Variants in DCDC1 observed in about 807,000 individuals in gnomAD.
DCDC1 encodes doublecortin domain containing 1.
A neutral mutation model predicts 178.3 loss-of-function variants in DCDC1; 200 were observed. That is an observed-to-expected ratio of 1.12 (90% CI 1.00 to 1.26). DCDC1 has a LOEUF of 1.26. Ranked by LOEUF, DCDC1 falls within the 50% of genes most tolerant of loss-of-function variation. The pLI, the probability that DCDC1 is intolerant of heterozygous loss-of-function variation, is 0.00. For synonymous variants in DCDC1, 690 were observed against 604.8 expected, an observed-to-expected ratio of 1.14 and a Z score of -2.07; for missense variants, 1,983 against 1,749.2, an observed-to-expected ratio of 1.13 and a Z score of -2.38.
At chr11:31,343,868 C>T (rs545785383) in intron 1 of DCDC1, among the ~76,000 whole-genome samples, 8 of 151,844 alleles carry the variant, frequency 5.3e-5, no homozygotes, top group Admixed American at 4.6e-4. Context: ...TGCAGTGAGC[C>T]GAGATCATGG....
intron 17 of DCDC1, among the ~76,000 whole-genome samples, chr11:31,081,273 T>C (rs1277523401): frequency 6.6e-6 from 1 of 152,188 alleles, no homozygotes; most frequent in Non-Finnish European, 1.5e-5. Flanking sequence ...AAAGATCTTT[T>C]TGATAGATGG....
At chr11:31,004,223 C>A in intron 20 of DCDC1, among the ~76,000 whole-genome samples, 1 of 151,918 alleles carries the variant, frequency 6.6e-6, no homozygotes, top group East Asian at 1.9e-4. Flanking sequence ...CAAAATTTGC[C>A]AAAAGTATTT....
At chr11:31,134,865 A>G (rs1451024738) in intron 10 of DCDC1, among the ~76,000 whole-genome samples, 1 of 152,146 alleles carries the variant, frequency 6.6e-6, no homozygotes, top group Non-Finnish European at 1.5e-5. Context: ...ACATGGTGGT[A>G]TATGCCTAAA....
At chr11:30,915,839 T>C in intron 26 of DCDC1, 128 bp from the exon 27 acceptor site, 3 of 864,812 alleles carry the variant, frequency 3.5e-6, no homozygotes, top group East Asian at 2.7e-5. Context: ...CTTGAAATGA[T>C]AGACCATATC....
chr11:31,015,213 G>T (rs1952420242), intron 20 of DCDC1, among the ~76,000 whole-genome samples: 1 of 152,096 alleles, frequency 6.6e-6, no homozygotes, highest in African/African-American at 2.4e-5. Flanking sequence ...CTCCCAAAGT[G>T]CTGGGATTAC....
intron 9 of DCDC1, among the ~76,000 whole-genome samples, chr11:31,139,658 C>T (rs1242357581): frequency 1.2e-4 from 19 of 152,032 alleles, no homozygotes; most frequent in Admixed American, 1.2e-3. Flanking sequence ...CAGGTGAGGC[C>T]GATGCTAACG....
At chr11:31,187,609 A>AT (rs1969657897) in intron 9 of DCDC1, among the ~76,000 whole-genome samples, 2 of 152,358 alleles carry the variant, frequency 1.3e-5, no homozygotes, top group South Asian at 4.1e-4. Flanking sequence ...GAAATCAAAT[A>AT]AACTATCTGG....
intron 8 of DCDC1, among the ~76,000 whole-genome samples, chr11:31,254,746 G>A (rs1335119975): frequency 7.2e-5 from 11 of 152,260 alleles, no homozygotes; most frequent in Admixed American, 2.0e-4. Flanking sequence ...AACAAGTGGG[G>A]CAAATTGGTT....
chr11:31,132,445 A>T (rs968441297), intron 10 of DCDC1, among the ~76,000 whole-genome samples: 3 of 152,172 alleles, frequency 2.0e-5, no homozygotes, highest in Non-Finnish European at 4.4e-5. Context: ...TTTTTTTCCC[A>T]ATCACAGATA....
intron 1 of DCDC1, among the ~76,000 whole-genome samples, chr11:31,350,690 T>C (rs1295949333): frequency 6.6e-6 from 1 of 152,174 alleles, no homozygotes; most frequent in Non-Finnish European, 1.5e-5. Context: ...TGTACTTAAA[T>C]GCTGCATTGC....
At chr11:31,153,009 A>C (rs1301913551) in intron 9 of DCDC1, among the ~76,000 whole-genome samples, 1 of 152,202 alleles carries the variant, frequency 6.6e-6, no homozygotes, top group Non-Finnish European at 1.5e-5. Context: ...TACAGACTCT[A>C]AAGTTTGGAT....
chr11:30,986,558 C>T (rs944968305), intron 20 of DCDC1, among the ~76,000 whole-genome samples: 1 of 152,074 alleles, frequency 6.6e-6, no homozygotes, highest in African/African-American at 2.4e-5. Flanking sequence ...GTCTCCATCT[C>T]GTGACCTTGT....
At chr11:31,036,703 A>G (rs965754921) in intron 20 of DCDC1, among the ~76,000 whole-genome samples, 1 of 152,194 alleles carries the variant, frequency 6.6e-6, no homozygotes, top group Non-Finnish European at 1.5e-5. Flanking sequence ...TATATACAAA[A>G]TAGTCCTAAC....
intron 15 of DCDC1, among the ~76,000 whole-genome samples, chr11:31,096,291 AACTAC>A (rs780108918): frequency 6.4e-4 from 98 of 152,306 alleles, no homozygotes; most frequent in Non-Finnish European, 1.3e-3. Context: ...AACAATGATA[AACTAC>A]ATTGTACTAA....
chr11:30,990,720 A>C (rs1486549848), intron 20 of DCDC1, among the ~76,000 whole-genome samples: 1 of 152,234 alleles, frequency 6.6e-6, no homozygotes, highest in African/African-American at 2.4e-5. Context: ...TTATAATACA[A>C]TTCTATGTTT....
At chr11:31,268,270 A>G (rs957148729) in intron 7 of DCDC1, among the ~76,000 whole-genome samples, 2 of 152,190 alleles carry the variant, frequency 1.3e-5, no homozygotes, top group Admixed American at 6.5e-5. Context: ...TAAAACTATA[A>G]TCTACTTGAA....
Position 31,077,911 on chromosome 11 carries a change from T to G in DCDC1, c.2252A>C (p.Asp751Ala). 1.3e-6 allele frequency: 1 copy of G among 766,154 alleles called. No individual in the cohort carries two copies. Among genetic ancestry groups the G allele is most frequent in the South Asian group, 1.3e-5 (1 of 74,588 alleles). 47.5% of individuals were successfully genotyped at this position (766,154 alleles called of 1,614,324 possible). ...LILQKRHSGD[D>A]SQKWVFGTDG... ...AGTTCCAAACACCCACTTCTGAGAG[T>G]CATCTCCACTATGTCTGTAACGAAA... The change falls in exon 18 of 39, where the codon GAC becomes GCC. Residue 751 changes from aspartate (D) to alanine (A), a missense_variant. By Grantham distance (126) the Asp-to-Ala change is moderately radical. Transcript: ENST00000684477.
chr11:31,232,582 C>T (rs1975918696), intron 9 of DCDC1, among the ~76,000 whole-genome samples: 1 of 152,144 alleles, frequency 6.6e-6, no homozygotes, highest in Non-Finnish European at 1.5e-5. Flanking sequence ...CACTGCCTAT[C>T]TCAATCTCCT....
At chr11:31,344,510 T>C (rs894967157) in intron 1 of DCDC1, among the ~76,000 whole-genome samples, 10 of 152,188 alleles carry the variant, frequency 6.6e-5, no homozygotes, top group African/African-American at 2.4e-4. Context: ...CTGTGTCACT[T>C]TGGACAAGTT....
Sources: allele counts gnomAD v4.1 joint callset (sites outside exome capture counted in the v4.1 genomes callset), GRCh38; gene constraint gnomAD v4.1.1; transcripts MANE v1.5; gene names NCBI Gene and HGNC (gene_info 2026-07-23, HGNC 2026-07-21).